FGA: variants seen among roughly 807,000 people sequenced by gnomAD.
FGA encodes fibrinogen alpha chain.
Under a neutral mutation model 20.3 loss-of-function variants are expected in FGA, and 20 were observed. The observed-to-expected ratio is 0.99, with a 90% CI of 0.69 to 1.43. The LOEUF (loss-of-function observed/expected upper bound fraction) is 1.43, where lower values mean the gene tolerates loss of function less well. Ranked by LOEUF, FGA falls within the 40% of genes most tolerant of loss-of-function variation. The pLI is 0.00. For missense variants in FGA, 777 were observed against 784.7 expected, an observed-to-expected ratio of 0.99 and a Z score of 0.12; for synonymous variants, 306 against 281.6, an observed-to-expected ratio of 1.09 and a Z score of -0.87.
Position 154,586,316 on chromosome 4 carries a change from C to T in FGA, c.1113G>A (p.Gly371=). ...NPGSSERGSA[G]HWTSESSVSG... Reference sequence around the variant, plus strand: ...ATACAGAGCTCTCAGAGGTCCAGTGCCCAGCACTTCCGCGTTCAGAGCTGC... The same window carrying T: ...ATACAGAGCTCTCAGAGGTCCAGTGTCCAGCACTTCCGCGTTCAGAGCTGC... The change falls in exon 5 of 5, where the codon GGG becomes GGA. Residue 371 remains glycine, a synonymous_variant. Coordinates refer to ENST00000403106, the MANE Select transcript of FGA (RefSeq NM_021871.4). 1.9e-6 allele frequency: 3 copies of T among 1,614,162 alleles called. No homozygotes were observed. The highest frequency in any genetic ancestry group is 2.5e-6 in the Non-Finnish European group (3 of 1,180,004).
rs770479433 is a variant in FGA at position 154,586,389 on chromosome 4, T to G, written c.1040A>C (p.Gln347Pro). Reference protein sequence around the residue: ...GSSGTGSTGNQNPGSPRPGST... With the variant: ...GSSGTGSTGNPNPGSPRPGST... ...ACCAGGTCTAGGGCTCCCAGGGTTTTGGTTTCCAGTACTTCCAGTTCCAGA... is the reference window on the plus strand; with the variant it reads ...ACCAGGTCTAGGGCTCCCAGGGTTTGGGTTTCCAGTACTTCCAGTTCCAGA... The change falls in exon 5 of 5, where the codon CAA becomes CCA. Residue 347 changes from glutamine (Q) to proline (P), a missense_variant. Transcript: ENST00000403106. The G allele has an allele frequency of 2.9e-5, 47 of 1,613,908 alleles. No homozygotes were observed. The East Asian group carries it at 5.6e-4, about 19-fold the overall frequency.
downstream of FGA, chr4:154,584,863 A>G (rs1367026526): frequency 2.0e-6 from 3 of 1,503,056 alleles, no homozygotes; most frequent in Admixed American, 3.3e-5. Context: ...GGTTGGAAGA[A>G]GTTATTCTCA....
chr4:154,588,736 T>C, intron 3 of FGA, 57 bp downstream of exon 3: 2 of 1,217,054 alleles, frequency 1.6e-6, no homozygotes, highest in South Asian at 1.2e-5. Context: ...ATCATATTTA[T>C]TTAGGATTTT....
chr4:154,584,967 T>C, downstream of FGA: 1 of 800,328 alleles, frequency 1.2e-6, no homozygotes, highest in Non-Finnish European at 2.1e-6. Context: ...CTTCCCTCCA[T>C]AGGGAAAGGA....
At chr4:154,587,999 T>C (rs908550825) in intron 3 of FGA, among the ~76,000 whole-genome samples, 2 of 152,204 alleles carry the variant, frequency 1.3e-5, no homozygotes, top group Non-Finnish European at 2.9e-5. Context: ...GAACTTTCTT[T>C]GGAATTTTAA....
downstream of FGA, chr4:154,584,444 T>C (rs775334799): frequency 6.2e-5 from 100 of 1,614,166 alleles, no homozygotes; most frequent in Non-Finnish European, 8.3e-5. Flanking sequence ...TCACCCGCAG[T>C]GCCTTCATAG....
chr4:154,584,452 T>A (rs371718702), downstream of FGA: 4 of 1,614,052 alleles, frequency 2.5e-6, no homozygotes, highest in Non-Finnish European at 3.4e-6. Flanking sequence ...AGTGCCTTCA[T>A]AGGAGGAGAC....
intron 4 of FGA, 40 bp from the exon 5 acceptor site, chr4:154,586,958 C>T (rs374291347): frequency 1.3e-5 from 21 of 1,586,134 alleles, no homozygotes; most frequent in Non-Finnish European, 1.6e-5. Context: ...AATGTAGATA[C>T]AAATACATAA....
Position 154,586,036 on chromosome 4 carries a change from C to G in FGA, c.1393G>C (p.Val465Leu). ...TCAGGACCAATAACAGTCTTAGTAA[C>G]GGTTTTAGAGCATGAACGACGCGTG... ...TTTRRSCSKT[V>L]TKTVIGPDGH... The change falls in exon 5 of 5, where the codon GTT becomes CTT. Residue 465 changes from valine to leucine, a missense_variant. Coordinates refer to ENST00000403106, the MANE Select transcript of FGA (RefSeq NM_021871.4). 1 of 1,614,158 alleles carries G rather than the reference C, an allele frequency of 6.2e-7. No homozygotes were observed. The highest frequency in any genetic ancestry group is 8.5e-7 in the Non-Finnish European group (1 of 1,180,020).
chr4:154,587,414 T>G, intron 4 of FGA, 98 bp downstream of exon 4: 1 of 1,146,970 alleles, frequency 8.7e-7, no homozygotes, highest in Non-Finnish European at 1.3e-6. Context: ...GATATAACAC[T>G]TTTCTCTGCA....
chr4:154,584,457 G>T, downstream of FGA: 1 of 1,614,166 alleles, frequency 6.2e-7, no homozygotes, highest in Non-Finnish European at 8.5e-7. Context: ...CTTCATAGGA[G>T]GAGACTTGGA....
Position 154,586,924 on chromosome 4 carries a change from G to A in FGA, c.511-6C>T, listed in dbSNP as rs771327007. 4 of 1,612,576 alleles carry A rather than the reference G, an allele frequency of 2.5e-6. No individual in the cohort carries two copies. The highest frequency in any genetic ancestry group is 1.7e-5 in the Admixed American group (1 of 59,998). On this transcript the variant is annotated splice_region_variant and splice_polypyrimidine_tract_variant and intron_variant, in intron 4 of 4. Coordinates refer to ENST00000403106, the MANE Select transcript of FGA (RefSeq NM_021871.4). The stretch of plus-strand genomic sequence containing the variant: ...ATCTTAATATCAATGTCCACCTAGA[G>A]AGAGGGGAGAAAAATAAAGAGAAAA...
chr4:154,590,604 A>C, intron 1 of FGA, 30 bp downstream of exon 1: 1 of 1,535,768 alleles, frequency 6.5e-7, no homozygotes, highest in South Asian at 1.2e-5. Context: ...CCAGAGAGAA[A>C]GCAAGAAGAA....
intron 1 of FGA, 51 bp downstream of exon 1, chr4:154,590,583 T>C (rs761435468): frequency 1.4e-6 from 2 of 1,436,038 alleles, no homozygotes; most frequent in Admixed American, 3.9e-5. Flanking sequence ...AGGCTCTTTG[T>C]GGAATAAACA....
intron 1 of FGA, among the ~76,000 whole-genome samples, chr4:154,589,958 C>T (rs1428461746): frequency 1.3e-5 from 2 of 152,184 alleles, no homozygotes; most frequent in Non-Finnish European, 2.9e-5. Context: ...AGAGCTCTTT[C>T]TCCTGTAATT....
downstream of FGA, chr4:154,584,127 T>C (rs761814046): frequency 8.8e-7 from 1 of 1,136,658 alleles, no homozygotes; most frequent in Non-Finnish European, 1.2e-6. Flanking sequence ...CTTCAGCCTA[T>C]TGGGTCACAA....
At chr4:154,584,137 A>T, downstream of FGA, 1 of 1,242,160 alleles carries the variant, frequency 8.1e-7, no homozygotes, top group Non-Finnish European at 1.1e-6. Context: ...TTGGGTCACA[A>T]GGGGCCTAAT....
Position 154,585,458 on chromosome 4 carries a change from G to T in FGA, c.*36C>A, listed in dbSNP as rs372442185. 8.7e-5 allele frequency: 119 copies of T among 1,374,158 alleles called. No individual in the cohort carries two copies. In the African/African-American group the frequency reaches 1.6e-3, roughly 18 times the overall value. 85.1% of individuals were successfully genotyped at this position (1,374,158 alleles called of 1,614,324 possible). On this transcript the variant is annotated 3_prime_UTR_variant, in exon 5 of 5. Coordinates refer to ENST00000403106, the MANE Select transcript of FGA (RefSeq NM_021871.4). The stretch of plus-strand genomic sequence containing the variant: ...GAGAGTTAAGAAGGAAATGCAAGGG[G>T]CCATGGGAACACTGTGCAGAAATAT...
downstream of FGA, chr4:154,584,569 T>C: frequency 6.2e-7 from 1 of 1,614,140 alleles, no homozygotes; most frequent in Non-Finnish European, 8.5e-7. Flanking sequence ...AGAGCCCCTT[T>C]GGGTTAGTAA....
Sources: allele counts gnomAD v4.1 joint callset (sites outside exome capture counted in the v4.1 genomes callset), GRCh38; gene constraint gnomAD v4.1.1; transcripts MANE v1.5; gene names NCBI Gene and HGNC (gene_info 2026-07-23, HGNC 2026-07-21).